The following KIF26B variants were observed in gnomAD, a reference collection of about 807,000 sequenced individuals.
KIF26B encodes the protein kinesin-like protein KIF26B.
Under a neutral mutation model 151.2 loss-of-function variants are expected in KIF26B, and 63 were observed. The ratio of observed to expected loss-of-function variants is 0.42; its 90% CI spans 0.34 to 0.51. The LOEUF is 0.51. KIF26B is among the 20% of genes least tolerant of loss of function. The probability of loss-of-function intolerance (pLI) is 0.07; values close to 1 mark genes in which losing one functional copy is unlikely to be tolerated. For missense variants in KIF26B, 2,813 were observed against 2,913.6 expected, an observed-to-expected ratio of 0.97 and a Z score of 0.79; for synonymous variants, 1,357 against 1,262.1, an observed-to-expected ratio of 1.08 and a Z score of -1.59.
At chr1:245,207,792 T>C (rs548058338) in intron 2 of KIF26B, among the ~76,000 whole-genome samples, 21 of 152,230 alleles carry the variant, frequency 1.4e-4, no homozygotes, top group Non-Finnish European at 2.8e-4. Flanking sequence ...CACATCGTTT[T>C]TCACACCATC....
chr1:245,433,067 A>G (rs1201813313), intron 4 of KIF26B, among the ~76,000 whole-genome samples: 2 of 152,212 alleles, frequency 1.3e-5, no homozygotes, highest in Non-Finnish European at 1.5e-5. Context: ...CATACTTAGC[A>G]TCATGCTTGC....
chr1:245,169,365 G>A (rs1475830527), intron 2 of KIF26B, among the ~76,000 whole-genome samples: 3 of 152,050 alleles, frequency 2.0e-5, no homozygotes, highest in East Asian at 1.9e-4. Flanking sequence ...GTGTGTGTGC[G>A]CGCAAGCACT....
intron 10 of KIF26B, among the ~76,000 whole-genome samples, chr1:245,650,398 T>C (rs2044002263): frequency 1.3e-5 from 2 of 152,080 alleles, no homozygotes; most frequent in Non-Finnish European, 2.9e-5. Flanking sequence ...CCCACAGGAG[T>C]TGGCCCCCAG....
At chr1:245,261,499 C>G (rs1481739328) in intron 2 of KIF26B, among the ~76,000 whole-genome samples, 7 of 108,898 alleles carry the variant, frequency 6.4e-5, no homozygotes, top group Non-Finnish European at 9.4e-5. Context: ...CTCTCTCTCT[C>G]TCTCCCTCCC....
chr1:245,266,715 C>A (rs781685727), intron 2 of KIF26B, among the ~76,000 whole-genome samples: 48 of 152,130 alleles, frequency 3.2e-4, no homozygotes, highest in Non-Finnish European at 6.0e-4. Context: ...CCATCTTGGT[C>A]AGCCTGGTCT....
intron 2 of KIF26B, among the ~76,000 whole-genome samples, chr1:245,309,881 AATAT>A (rs1671633165): frequency 6.8e-6 from 1 of 146,128 alleles, no homozygotes; most frequent in South Asian, 2.1e-4. Context: ...TAAATCAATA[AATAT>A]ATATCTCACT....
chr1:245,250,042 T>C (rs1670413388), intron 2 of KIF26B, among the ~76,000 whole-genome samples: 1 of 152,222 alleles, frequency 6.6e-6, no homozygotes, highest in Admixed American at 6.5e-5. Context: ...CTATAGGAAA[T>C]AATATAACAT....
chr1:245,449,120 A>G (rs955610468), intron 4 of KIF26B, among the ~76,000 whole-genome samples: 2 of 152,222 alleles, frequency 1.3e-5, no homozygotes, highest in Non-Finnish European at 2.9e-5. Flanking sequence ...TGGAACCAAA[A>G]TGAACACAGC....
intron 2 of KIF26B, among the ~76,000 whole-genome samples, chr1:245,168,818 GT>G: frequency 6.6e-6 from 1 of 152,286 alleles, no homozygotes. Flanking sequence ...TGATGCTGTG[GT>G]CTGGGAAAGA....
In KIF26B at chr1:245,201,796, A is replaced by G. The variant is rs894297134; in HGVS notation, c.465+45113A>G. On this transcript the variant is annotated intron_variant, in intron 2 of 14. Coordinates refer to ENST00000407071, the MANE Select transcript of KIF26B (RefSeq NM_018012.4). ...AAGGGGATCCATTTCTCATTTTGCCATGTTTCTGCAGGAATGTTTTTAATA... is the reference window on the plus strand; with the variant it reads ...AAGGGGATCCATTTCTCATTTTGCCGTGTTTCTGCAGGAATGTTTTTAATA... 4.6e-5 allele frequency among the ~76,000 whole-genome samples: 7 copies of G among 152,314 alleles called. No homozygotes were observed. The East Asian group carries it at 9.6e-4, about 21-fold the overall frequency.
intron 4 of KIF26B, among the ~76,000 whole-genome samples, chr1:245,502,938 C>T (rs976961495): frequency 7.9e-5 from 12 of 151,046 alleles, no homozygotes; most frequent in Admixed American, 4.6e-4. Context: ...CTCAGCTCAT[C>T]GCAATCTCTG....
At position 245,166,663 on chromosome 1, in the gene KIF26B, G is replaced by A. The variant is rs745635172; in HGVS notation, c.465+9980G>A. 6.6e-6 allele frequency among the ~76,000 whole-genome samples: 1 copy of A among 152,196 alleles called. No homozygotes were observed. ...CGCATGCGATGTGCAGATCTGAGCC[G>A]CACCAGGAATTTGGGCTTATCTGCC... is the stretch of plus-strand genomic sequence containing the variant. On this transcript the variant is annotated intron_variant, in intron 2 of 14. Coordinates refer to ENST00000407071, the MANE Select transcript of KIF26B (RefSeq NM_018012.4). This position sits in a 1 kb window ranked among gnomAD's most constrained non-coding sequence, Gnocchi z 4.5.
At chr1:245,309,132 T>C (rs1484023801) in intron 2 of KIF26B, among the ~76,000 whole-genome samples, 3 of 152,104 alleles carry the variant, frequency 2.0e-5, no homozygotes, top group Non-Finnish European at 4.4e-5. Flanking sequence ...GCAGGGAGCA[T>C]AGCTGAGGGA....
At chr1:245,440,946 A>G (rs1490097480) in intron 4 of KIF26B, among the ~76,000 whole-genome samples, 2 of 152,234 alleles carry the variant, frequency 1.3e-5, no homozygotes, top group African/African-American at 2.4e-5. Context: ...TCAACAGAGC[A>G]GATGCGAGAG....
In KIF26B at chr1:245,572,202, C is replaced by G. The variant is rs2043072456; in HGVS notation, c.1351-30375C>G. 6.6e-6 allele frequency among the ~76,000 whole-genome samples: 1 copy of G among 152,186 alleles called. No individual in the cohort carries two copies. Among genetic ancestry groups the G allele is most frequent in the Non-Finnish European group, 1.5e-5 (1 of 68,034 alleles). On this transcript the variant is annotated intron_variant, in intron 5 of 14. Coordinates refer to ENST00000407071, the MANE Select transcript of KIF26B (RefSeq NM_018012.4). This position sits in a 1 kb window ranked among gnomAD's most constrained non-coding sequence, Gnocchi z 4.2. ...GCCGTAGGAATGGTTTGCCCTTGCT[C>G]AGGACTTATTTACCTAATGTCGTTT... is the stretch of plus-strand genomic sequence containing the variant.
At chr1:245,461,731 A>C (rs1323920562) in intron 4 of KIF26B, among the ~76,000 whole-genome samples, 2 of 152,188 alleles carry the variant, frequency 1.3e-5, no homozygotes, top group Non-Finnish European at 2.9e-5. Flanking sequence ...GTTGGCTGCA[A>C]GAATGGCTAA....
intron 4 of KIF26B, among the ~76,000 whole-genome samples, chr1:245,511,895 T>C (rs1437158575): frequency 6.6e-6 from 1 of 152,244 alleles, no homozygotes; most frequent in African/African-American, 2.4e-5. Flanking sequence ...AAGGAACGGC[T>C]ATTTAAAAGA....
chr1:245,474,005 T>G (rs972096341), intron 4 of KIF26B, among the ~76,000 whole-genome samples: 1 of 151,788 alleles, frequency 6.6e-6, no homozygotes, highest in Non-Finnish European at 1.5e-5. Context: ...TATTTCCCCT[T>G]TCTTTATGCT....
At chr1:245,299,759 C>A (rs1671398202) in intron 2 of KIF26B, among the ~76,000 whole-genome samples, 1 of 152,116 alleles carries the variant, frequency 6.6e-6, no homozygotes, top group Non-Finnish European at 1.5e-5. Context: ...TCTGCTGTAC[C>A]AGCTGGAAAA....
Sources: allele counts gnomAD v4.1 joint callset (sites outside exome capture counted in the v4.1 genomes callset), GRCh38; gene constraint gnomAD v4.1.1; non-coding constraint Gnocchi (gnomAD v3.1); transcripts MANE v1.5; gene names NCBI Gene and HGNC (gene_info 2026-07-23, HGNC 2026-07-21).